The following LRRC37A2 variants were observed in gnomAD, a reference collection of about 807,000 sequenced individuals.
LRRC37A2 encodes the protein leucine-rich repeat-containing protein 37A2.
LRRC37A2 carries 9 observed loss-of-function variants against 68.8 expected under a neutral mutation model. The observed-to-expected ratio is 0.13, with a 90% confidence interval of 0.08 to 0.23. The LOEUF (loss-of-function observed/expected upper bound fraction) is 0.23, where lower values mean the gene tolerates loss of function less well. LRRC37A2 is among the 10% of genes least tolerant of loss of function. The probability of loss-of-function intolerance (pLI) is 1.00; values close to 1 mark genes in which losing one functional copy is unlikely to be tolerated. For synonymous variants in LRRC37A2, 63 were observed against 367.6 expected, an observed-to-expected ratio of 0.17 and a Z score of 9.48; for missense variants, 168 against 950.4, an observed-to-expected ratio of 0.18 and a Z score of 10.82.
the LRRC37A2 span, among the ~76,000 whole-genome samples, chr17:46,942,460 C>T: frequency 6.6e-6 from 1 of 152,222 alleles, no homozygotes; most frequent in East Asian, 1.9e-4. Flanking sequence ...GGCCCCTCAT[C>T]CAGCTTGGAA....
At chr17:46,815,469 T>C in the LRRC37A2 span, among the ~76,000 whole-genome samples, 4 of 151,946 alleles carry the variant, frequency 2.6e-5, no homozygotes, top group African/African-American at 9.7e-5. Flanking sequence ...TCCTGGGGAA[T>C]GCATGAGCTG....
At chr17:46,815,746 T>C in the LRRC37A2 span, among the ~76,000 whole-genome samples, 10 of 152,182 alleles carry the variant, frequency 6.6e-5, no homozygotes, top group East Asian at 1.7e-3. Context: ...AGGAAGCCTG[T>C]GCCCCTGCCT....
chr17:46,965,466 A>G, the LRRC37A2 span, among the ~76,000 whole-genome samples: 1 of 152,032 alleles, frequency 6.6e-6, no homozygotes, highest in Non-Finnish European at 1.5e-5. Context: ...GGCACCCTGG[A>G]GCAGTTCCCA....
the LRRC37A2 span, chr17:46,755,724 T>A: frequency 9.2e-5 from 26 of 282,774 alleles, no homozygotes; most frequent in Non-Finnish European, 1.1e-4. Context: ...TTTTAGTGAT[T>A]TTTTTTTTTT....
At chr17:46,783,536 A>C in the LRRC37A2 span, among the ~76,000 whole-genome samples, 2 of 152,218 alleles carry the variant, frequency 1.3e-5, no homozygotes, top group Admixed American at 6.5e-5. Flanking sequence ...TTTCTTGAGC[A>C]CCTACTAGGT....
chr17:46,985,275 CT>C, the LRRC37A2 span, among the ~76,000 whole-genome samples: 2 of 152,154 alleles, frequency 1.3e-5, no homozygotes, highest in East Asian at 3.9e-4. Flanking sequence ...AATCCCAGCA[CT>C]TTGGGAGGCT....
chr17:46,812,219 G>A, the LRRC37A2 span, among the ~76,000 whole-genome samples: 22 of 152,236 alleles, frequency 1.4e-4, no homozygotes, highest in Middle Eastern at 0.01. Flanking sequence ...CTCTGGCAGC[G>A]GGATAAAGAA....
At chr17:47,006,785 A>G in the LRRC37A2 span, among the ~76,000 whole-genome samples, 1 of 152,154 alleles carries the variant, frequency 6.6e-6, no homozygotes, top group African/African-American at 2.4e-5. Flanking sequence ...CTACATCTAA[A>G]TGTTGAATGG....
At chr17:46,806,242 G>A in the LRRC37A2 span, among the ~76,000 whole-genome samples, 3 of 68,384 alleles carry the variant, frequency 4.4e-5, no homozygotes, top group South Asian at 8.7e-4. Flanking sequence ...ACAGAGTTTC[G>A]CTTTTATTGC....
chr17:46,705,405 A>G, the LRRC37A2 span, among the ~76,000 whole-genome samples: 1 of 151,942 alleles, frequency 6.6e-6, no homozygotes, highest in Admixed American at 6.6e-5. Context: ...CGCACTCAAA[A>G]TGGTCATAGT....
At chr17:46,929,772 A>G in the LRRC37A2 span, 2 of 587,314 alleles carry the variant, frequency 3.4e-6, no homozygotes, top group Middle Eastern at 4.6e-4. Flanking sequence ...TTGGAATCCC[A>G]CAAGTCTTAT....
chr17:46,820,366 G>C, the LRRC37A2 span, among the ~76,000 whole-genome samples: 1 of 152,116 alleles, frequency 6.6e-6, no homozygotes, highest in East Asian at 1.9e-4. Context: ...AGGAAAAGGA[G>C]AATCCGAGAG....
At chr17:46,868,065 G>A in the LRRC37A2 span, among the ~76,000 whole-genome samples, 1 of 152,158 alleles carries the variant, frequency 6.6e-6, no homozygotes, top group African/African-American at 2.4e-5. Flanking sequence ...AGCCTGGGGA[G>A]CCTGAGACAG....
chr17:46,782,548 G>T, the LRRC37A2 span, among the ~76,000 whole-genome samples: 3 of 152,262 alleles, frequency 2.0e-5, no homozygotes, highest in African/African-American at 7.2e-5. Context: ...GGAACCAAGC[G>T]TTGGCTTTGG....
At chr17:46,534,633 C>T (rs917518188) in intron 6 of LRRC37A2, among the ~76,000 whole-genome samples, 1 of 148,590 alleles carries the variant, frequency 6.7e-6, no homozygotes, top group African/African-American at 2.6e-5. Context: ...ATTTCTGTAT[C>T]TTTTCCCCAC....
At chr17:47,029,372 A>C in the LRRC37A2 span, among the ~76,000 whole-genome samples, 1 of 152,200 alleles carries the variant, frequency 6.6e-6, no homozygotes, top group South Asian at 2.1e-4. Context: ...CAAAAATTCT[A>C]TGATTTCTTT....
chr17:46,899,769 T>C, the LRRC37A2 span, among the ~76,000 whole-genome samples: 1 of 152,152 alleles, frequency 6.6e-6, no homozygotes, highest in Non-Finnish European at 1.5e-5. Context: ...GTGAACTTTA[T>C]GTGAATTGTA....
At chr17:46,716,245 A>G in the LRRC37A2 span, among the ~76,000 whole-genome samples, 5 of 140,710 alleles carry the variant, frequency 3.6e-5, no homozygotes, top group Admixed American at 7.4e-5. Context: ...ACCTCCCACT[A>G]CTGTTCTTGC....
the LRRC37A2 span, among the ~76,000 whole-genome samples, chr17:46,828,711 A>G: frequency 5.6e-4 from 84 of 151,258 alleles, no homozygotes; most frequent in Admixed American, 5.5e-3. Context: ...TATTTCCAGC[A>G]CTTTGGGAGG....
Sources: gnomAD v4.1 joint callset for allele counts (sites outside exome capture counted in the v4.1 genomes callset) on GRCh38, gnomAD v4.1.1 for gene constraint, MANE v1.5 for transcripts, NCBI Gene and HGNC (gene_info 2026-07-23, HGNC 2026-07-21) for gene names.